CRADD: variants seen among roughly 807,000 people sequenced by gnomAD.
CRADD encodes the protein death domain-containing protein CRADD.
In CRADD, 9 loss-of-function variants were observed where a neutral mutation model predicts 15.5. The observed-to-expected ratio is 0.58, with a 90% CI of 0.35 to 1.01. CRADD has a LOEUF of 1.01. CRADD is among the 50% of genes least tolerant of loss of function. CRADD has a pLI of 0.02. For missense variants in CRADD, 227 were observed against 250.3 expected (o/e 0.91, Z 0.63); for synonymous variants, 118 against 107.6 (o/e 1.10, Z -0.60).
At chr12:93,887,368 G>A (rs1958544913) in intron 2 of CRADD, among the ~76,000 whole-genome samples, 1 of 152,180 alleles carries the variant, frequency 6.6e-6, no homozygotes, top group Non-Finnish European at 1.5e-5. Flanking sequence ...CAATGCCAGG[G>A]CCGCTAACGA....
In CRADD at chr12:93,690,030, A is replaced by G. The variant is rs112677577; in HGVS notation, c.298+10958A>G. 9.2e-3 allele frequency among the ~76,000 whole-genome samples: 1,406 copies of G among 152,330 alleles called. 15 individuals carry two copies. The highest frequency in any genetic ancestry group is 0.032 in the African/African-American group (1,347 of 41,572). On this transcript the variant is annotated intron_variant, in intron 2 of 2. Transcript: ENST00000332896. The stretch of plus-strand genomic sequence containing the variant: ...ACATAAAAATAGGAATTTCTCTGAA[A>G]TATATTGGGTAGTTCACAACTTTGA...
At chr12:93,706,194 G>A (rs1174123596) in intron 2 of CRADD, among the ~76,000 whole-genome samples, 3 of 152,288 alleles carry the variant, frequency 2.0e-5, no homozygotes, top group Non-Finnish European at 2.9e-5. Context: ...GTGCAAATAT[G>A]AAGTTGGAAG....
intron 2 of CRADD, among the ~76,000 whole-genome samples, chr12:93,870,097 C>A (rs181842723): frequency 1.3e-5 from 2 of 152,262 alleles, no homozygotes; most frequent in East Asian, 3.9e-4. Context: ...GAAAATGATT[C>A]ATCAGAAATA....
chr12:93,854,211 T>C (rs1026473045), downstream of CRADD, among the ~76,000 whole-genome samples: 3 of 141,570 alleles, frequency 2.1e-5, no homozygotes, highest in Non-Finnish European at 4.7e-5. Flanking sequence ...CTCTCGTGTA[T>C]CTGTGGTCAG....
intron 2 of CRADD, among the ~76,000 whole-genome samples, chr12:93,802,106 T>G (rs1489526571): frequency 2.0e-5 from 3 of 152,250 alleles, no homozygotes; most frequent in Non-Finnish European, 4.4e-5. Context: ...GATGGCCACT[T>G]AGGCTGGTTC....
At chr12:93,855,921 G>C (rs7962419) in intron 2 of CRADD, among the ~76,000 whole-genome samples, 78,408 of 151,694 alleles carry the variant, frequency 0.52, 20,672 homozygotes, top group Middle Eastern at 0.62. Context: ...TGGTTCAAGC[G>C]ATTCTCCTGC....
At chr12:93,734,144 A>G (rs1038050118) in intron 2 of CRADD, among the ~76,000 whole-genome samples, 4 of 151,352 alleles carry the variant, frequency 2.6e-5, no homozygotes, top group African/African-American at 9.7e-5. Flanking sequence ...TCATCAGTCC[A>G]TCCATCTGTC....
At chr12:93,856,185 A>G (rs1176714615) in intron 2 of CRADD, among the ~76,000 whole-genome samples, 2 of 152,236 alleles carry the variant, frequency 1.3e-5, no homozygotes, top group East Asian at 3.8e-4. Flanking sequence ...TGTTTGTGGT[A>G]TAGAAATAGA....
intron 2 of CRADD, among the ~76,000 whole-genome samples, chr12:93,801,580 G>A (rs1957476993): frequency 6.6e-6 from 1 of 152,234 alleles, no homozygotes; most frequent in African/African-American, 2.4e-5. Context: ...TGTATTTTTA[G>A]TAGAAATGGA....
intron 2 of CRADD, among the ~76,000 whole-genome samples, chr12:93,877,430 C>G (rs1230240384): frequency 2.6e-5 from 4 of 152,232 alleles, no homozygotes; most frequent in African/African-American, 4.8e-5. Context: ...CAAAGTCCCC[C>G]AGACACCAGG....
At chr12:93,739,364 ATAT>A (rs1188053271) in intron 2 of CRADD, among the ~76,000 whole-genome samples, 1 of 151,852 alleles carries the variant, frequency 6.6e-6, no homozygotes, top group Non-Finnish European at 1.5e-5. Context: ...AGTATATAAC[ATAT>A]TATTTAAAAA....
chr12:93,850,276 G>C lies in CRADD; in HGVS notation c.*5G>C. On this transcript the variant is annotated 3_prime_UTR_variant, in exon 3 of 3. Coordinates refer to ENST00000332896, the MANE Select transcript of CRADD (RefSeq NM_003805.5). The surrounding 1 kb of genome is among the most constrained non-coding windows in gnomAD (Gnocchi z 4.0). Reference sequence around the variant, plus strand: ...CTCCTGCACATGTTGGAGTGATGGTGCCTCCAGCAACCGCTGGGGAGTGTG... The same window carrying C: ...CTCCTGCACATGTTGGAGTGATGGTCCCTCCAGCAACCGCTGGGGAGTGTG... The C allele has an allele frequency of 1.3e-6, 2 of 1,585,368 alleles. No individual in the cohort carries two copies. Among genetic ancestry groups the C allele is most frequent in the East Asian group, 4.5e-5 (2 of 44,378 alleles).
intron 2 of CRADD, among the ~76,000 whole-genome samples, chr12:93,846,977 C>A (rs1331593028): frequency 6.6e-6 from 1 of 152,170 alleles, no homozygotes; most frequent in African/African-American, 2.4e-5. Flanking sequence ...GTAGTAGGCA[C>A]CTGTAGTCCC....
intron 2 of CRADD, among the ~76,000 whole-genome samples, chr12:93,873,826 A>G (rs938649082): frequency 1.2e-4 from 18 of 152,004 alleles, no homozygotes; most frequent in Admixed American, 2.0e-4. Context: ...TGTTTTGTTG[A>G]GGATTTTTGC....
chr12:93,709,382 A>G (rs1956018972), intron 2 of CRADD, among the ~76,000 whole-genome samples: 1 of 152,188 alleles, frequency 6.6e-6, no homozygotes, highest in African/African-American at 2.4e-5. Flanking sequence ...AGTACCCAGT[A>G]GTTATCTTTT....
chr12:93,751,522 C>T (rs956341690), intron 2 of CRADD, among the ~76,000 whole-genome samples: 2 of 152,192 alleles, frequency 1.3e-5, no homozygotes, highest in African/African-American at 4.8e-5. Context: ...ACTGCTTAAA[C>T]AAATCCTAGT....
chr12:93,846,997 G>A (rs11832823), intron 2 of CRADD, among the ~76,000 whole-genome samples: 53,722 of 151,986 alleles, frequency 0.35, 9,926 homozygotes, highest in Middle Eastern at 0.46. Context: ...CAGCTGCTCC[G>A]GAGACTGAGG....
At chr12:93,783,618 A>G (rs1183838877) in intron 2 of CRADD, among the ~76,000 whole-genome samples, 1 of 152,200 alleles carries the variant, frequency 6.6e-6, no homozygotes, top group East Asian at 1.9e-4. Context: ...TTCAGAAAAG[A>G]GTAAAAGCCT....
At chr12:93,804,769 G>A (rs1002188175) in intron 2 of CRADD, among the ~76,000 whole-genome samples, 15 of 152,078 alleles carry the variant, frequency 9.9e-5, no homozygotes, top group African/African-American at 3.4e-4. Flanking sequence ...AGGAGTGAGA[G>A]GGAGGAGGAA....
Sources: gnomAD v4.1 joint callset for allele counts (sites outside exome capture counted in the v4.1 genomes callset) on GRCh38, gnomAD v4.1.1 for gene constraint, Gnocchi (gnomAD v3.1) non-coding constraint, MANE v1.5 for transcripts, NCBI Gene and HGNC (gene_info 2026-07-23, HGNC 2026-07-21) for gene names.